MRPS27: variants seen among roughly 807,000 people sequenced by gnomAD.
MRPS27 encodes the protein small ribosomal subunit protein mS27.
Under a neutral mutation model 48.9 loss-of-function variants are expected in MRPS27, and 43 were observed. The ratio of observed to expected loss-of-function variants is 0.88; its 90% CI spans 0.69 to 1.13. The LOEUF is 1.13. Ranked by LOEUF, MRPS27 falls within the 50% of genes most tolerant of loss-of-function variation. The probability of loss-of-function intolerance (pLI) is 0.00; values close to 1 mark genes in which losing one functional copy is unlikely to be tolerated. For missense variants in MRPS27, 467 were observed against 476.3 expected (o/e 0.98, Z 0.18); for synonymous variants, 188 against 171.9 (o/e 1.09, Z -0.73).
chr5:72,242,359 A>G (rs1451320614), intron 4 of MRPS27, among the ~76,000 whole-genome samples: 1 of 148,496 alleles, frequency 6.7e-6, no homozygotes, highest in African/African-American at 2.5e-5. Context: ...ATGACATGGG[A>G]GTGAAAGTCT....
At chr5:72,226,282 A>C in intron 8 of MRPS27, 83 bp from the exon 9 acceptor site, 1 of 1,532,178 alleles carries the variant, frequency 6.5e-7, no homozygotes, top group Non-Finnish European at 9.0e-7. Context: ...GCCCAAGTGA[A>C]TGTTCACCTG....
intron 4 of MRPS27, among the ~76,000 whole-genome samples, chr5:72,248,092 G>A (rs1748553960): frequency 6.6e-6 from 1 of 152,190 alleles, no homozygotes; most frequent in African/African-American, 2.4e-5. Flanking sequence ...CTGCCAAATA[G>A]TAAAACTCAG....
At chr5:72,270,921 T>G (rs1196897127) in intron 4 of MRPS27, among the ~76,000 whole-genome samples, 1 of 152,074 alleles carries the variant, frequency 6.6e-6, no homozygotes, top group Non-Finnish European at 1.5e-5. Context: ...GAAAAAACAT[T>G]TAACAAAATT....
At chr5:72,309,805 G>C (rs1411309038) in intron 2 of MRPS27, among the ~76,000 whole-genome samples, 1 of 152,138 alleles carries the variant, frequency 6.6e-6, no homozygotes, top group African/African-American at 2.4e-5. Context: ...ATCCGAACAC[G>C]CCTTGCTGTA....
rs947473489 is a variant in MRPS27, at chr5:72,294,434, T to A, written c.281+1097A>T. ...CTAATGCAATGCTTACTGGAAACAT[T>A]TAAAATTTCAATCTGAGTCTATTTT... On this transcript the variant is annotated intron_variant, in intron 4 of 10. Coordinates refer to ENST00000261413, the MANE Select transcript of MRPS27 (RefSeq NM_015084.3). 4 of 152,250 alleles carry A rather than the reference T, an allele frequency of 2.6e-5. No homozygotes were observed. The South Asian group carries it at 8.3e-4, about 32-fold the overall frequency. The allele number at this position is 152,250 out of a possible 1,614,324, so 9.4% of individuals were successfully genotyped here.
chr5:72,308,354 C>A (rs746593082), intron 2 of MRPS27, among the ~76,000 whole-genome samples: 5 of 152,254 alleles, frequency 3.3e-5, no homozygotes, highest in South Asian at 2.1e-4. Context: ...CGCAGTGTCC[C>A]TTGCTGCCTC....
chr5:72,288,268 C>T (rs1022629063), intron 4 of MRPS27, among the ~76,000 whole-genome samples: 7 of 151,120 alleles, frequency 4.6e-5, no homozygotes, highest in Non-Finnish European at 8.8e-5. Context: ...AGTGCAATGG[C>T]ATGATCTCGG....
At chr5:72,277,163 G>A (rs1420818660) in intron 4 of MRPS27, among the ~76,000 whole-genome samples, 1 of 152,098 alleles carries the variant, frequency 6.6e-6, no homozygotes, top group African/African-American at 2.4e-5. Flanking sequence ...ACCACAATGA[G>A]ATACCATCTC....
intron 7 of MRPS27, 79 bp downstream of exon 7, chr5:72,232,364 C>A: frequency 1.9e-6 from 2 of 1,034,512 alleles, no homozygotes; most frequent in Admixed American, 4.9e-5. Context: ...GCTGCAGACA[C>A]CTTTTTCCAG....
chr5:72,224,401 A>G (rs1350801433), intron 9 of MRPS27, among the ~76,000 whole-genome samples: 3 of 152,168 alleles, frequency 2.0e-5, no homozygotes, highest in Non-Finnish European at 4.4e-5. Flanking sequence ...GCTACGAATT[A>G]TTTGTATAAG....
intron 4 of MRPS27, among the ~76,000 whole-genome samples, chr5:72,260,054 TA>T (rs573721088): frequency 5.9e-5 from 9 of 152,210 alleles, no homozygotes; most frequent in African/African-American, 2.2e-4. Context: ...TATTGATGAC[TA>T]AAAAATCATT....
intron 4 of MRPS27, among the ~76,000 whole-genome samples, chr5:72,271,668 G>C (rs950164288): frequency 2.0e-5 from 3 of 152,114 alleles, no homozygotes; most frequent in Non-Finnish European, 2.9e-5. Context: ...AATATGGACT[G>C]TATTATAGTA....
chr5:72,317,246 G>C (rs1750589679), intron 1 of MRPS27, among the ~76,000 whole-genome samples: 1 of 152,148 alleles, frequency 6.6e-6, no homozygotes, highest in African/African-American at 2.4e-5. Flanking sequence ...TGTGAACACA[G>C]ATCTTTACTA....
chr5:72,313,067 A>T (rs1750481388), intron 2 of MRPS27, among the ~76,000 whole-genome samples: 1 of 152,248 alleles, frequency 6.6e-6, no homozygotes, highest in Non-Finnish European at 1.5e-5. Flanking sequence ...TAAGTTTCTC[A>T]TGGAGAAGCT....
intron 4 of MRPS27, among the ~76,000 whole-genome samples, chr5:72,278,430 G>A (rs918743920): frequency 2.3e-5 from 3 of 131,130 alleles, no homozygotes; most frequent in Non-Finnish European, 3.1e-5. Flanking sequence ...GTGACAGAGC[G>A]ACTCTCCATC....
intron 5 of MRPS27, among the ~76,000 whole-genome samples, chr5:72,236,395 G>C (rs115151649): frequency 6.6e-6 from 1 of 152,090 alleles, no homozygotes; most frequent in African/African-American, 2.4e-5. Context: ...CAGCAACCAG[G>C]GGAGCCTGTG....
intron 2 of MRPS27, among the ~76,000 whole-genome samples, chr5:72,306,097 A>G (rs898684920): frequency 6.6e-6 from 1 of 152,246 alleles, no homozygotes; most frequent in Non-Finnish European, 1.5e-5. Flanking sequence ...TGAGTTCTTA[A>G]TGACATTTTA....
chr5:72,225,918 A>AT, intron 9 of MRPS27, 139 bp downstream of exon 9: 1 of 958,100 alleles, frequency 1.0e-6, no homozygotes, highest in South Asian at 3.3e-5. Context: ...GTGGTTTTGC[A>AT]TTTTTTCGAC....
intron 4 of MRPS27, among the ~76,000 whole-genome samples, chr5:72,251,517 A>G (rs1426005241): frequency 6.6e-6 from 1 of 152,210 alleles, no homozygotes; most frequent in African/African-American, 2.4e-5. Flanking sequence ...ATGCTTGGCA[A>G]GGCACTGTTA....
Sources: allele counts gnomAD v4.1 joint callset (sites outside exome capture counted in the v4.1 genomes callset), GRCh38; gene constraint gnomAD v4.1.1; transcripts MANE v1.5; gene names NCBI Gene and HGNC (gene_info 2026-07-23, HGNC 2026-07-21).